Variants in HSPH1 observed in about 807,000 individuals in gnomAD.
The protein encoded by HSPH1 is heat shock protein 105 kDa.
In HSPH1, 40 loss-of-function variants were observed where a neutral mutation model predicts 100.0. The observed-to-expected ratio is 0.40, with a 90% CI of 0.31 to 0.52. HSPH1 has a LOEUF of 0.52. Among genes scored for constraint, HSPH1 ranks in the 20% least tolerant of loss-of-function variants. HSPH1 has a pLI of 0.54. For synonymous variants in HSPH1, 403 were observed against 344.0 expected, an observed-to-expected ratio of 1.17 and a Z score of -1.90; for missense variants, 876 against 1,015.1, an observed-to-expected ratio of 0.86 and a Z score of 1.86.
chr13:31,162,183 A>C (rs1956949585), upstream of HSPH1: 4 of 1,172,714 alleles, frequency 3.4e-6, no homozygotes, highest in Non-Finnish European at 4.9e-6. Flanking sequence ...TGCCCTAATA[A>C]AACAGGCAAC....
In HSPH1 at chr13:31,137,541, CTAGT is replaced by C. The variant is rs544951036; in HGVS notation, c.2371-21_2371-18del. The C allele has an allele frequency of 9.5e-5, 151 of 1,590,218 alleles. No homozygotes were observed. Among genetic ancestry groups the C allele is most frequent in the Admixed American group, 1.7e-4 (10 of 58,118 alleles). On this transcript the variant is annotated intron_variant, in intron 17 of 17. Coordinates refer to ENST00000320027, the MANE Select transcript of HSPH1 (RefSeq NM_006644.4). ...GTTCAATTCCTAAAGAAAACAAAAACTAGTTATCAGATTAACTCAGATCCATCCA... is the reference window on the plus strand; with the variant it reads ...GTTCAATTCCTAAAGAAAACAAAAACTATCAGATTAACTCAGATCCATCCA...
chr13:31,159,226 C>T (rs1299414939), intron 1 of HSPH1, among the ~76,000 whole-genome samples: 1 of 152,240 alleles, frequency 6.6e-6, no homozygotes, highest in African/African-American at 2.4e-5. Flanking sequence ...CTCTACCTTT[C>T]AGTCACCAAC....
chr13:31,153,931 T>C (rs557970252), intron 4 of HSPH1: 1 of 152,040 alleles, frequency 6.6e-6, no homozygotes, highest in Admixed American at 6.6e-5. Flanking sequence ...ACACTTCCCA[T>C]CTTGCAAGGA....
At chr13:31,148,324 A>T (rs1956345100) in intron 9 of HSPH1, 50 bp downstream of exon 9, 1 of 1,212,974 alleles carries the variant, frequency 8.2e-7, no homozygotes, top group Non-Finnish European at 1.2e-6. Context: ...TCATTTGTTA[A>T]TTTTTCTTCT....
At chr13:31,159,588 A>G (rs1956822559) in intron 1 of HSPH1, among the ~76,000 whole-genome samples, 1 of 152,214 alleles carries the variant, frequency 6.6e-6, no homozygotes, top group South Asian at 2.1e-4. Flanking sequence ...GACTAGCTTA[A>G]AAAGTCTTGT....
At chr13:31,153,044 T>C in intron 4 of HSPH1, 93 bp from the exon 5 acceptor site, 2 of 832,746 alleles carry the variant, frequency 2.4e-6, no homozygotes, top group Admixed American at 2.1e-5. Context: ...ACAGTCCAGC[T>C]AAGTAGGTGC....
In HSPH1 at chr13:31,139,052, T is replaced by C. The variant is rs1955989995; in HGVS notation, c.2036A>G (p.Glu679Gly). 1.2e-6 allele frequency: 2 copies of C among 1,613,292 alleles called. No individual in the cohort carries two copies. The highest frequency in any genetic ancestry group is 1.7e-6 in the Non-Finnish European group (2 of 1,179,344). ...TGCTTGTTTAGCTTGGTCCTCTCCT[T>C]CTTCATACAGCCAGTCTTCAGTTTC... ...LTETEDWLYE[E>G]GEDQAKQAYV... Residue 679 changes from glutamate to glycine, a missense_variant, in exon 15 of 18, where the codon GAA (glutamate) becomes GGA (glycine). Physicochemically the swap from Glu to Gly is moderately conservative, Grantham distance 98. Coordinates refer to ENST00000320027, the MANE Select transcript of HSPH1 (RefSeq NM_006644.4).
At chr13:31,152,431 A>AG (rs1445208995) in intron 5 of HSPH1, 4 of 173,322 alleles carry the variant, frequency 2.3e-5, no homozygotes, top group Non-Finnish European at 4.9e-5. Flanking sequence ...CAAATAGTAC[A>AG]GGCTTAAAGC....
At chr13:31,138,321 G>C in intron 17 of HSPH1, 86 bp downstream of exon 17, 1 of 1,254,356 alleles carries the variant, frequency 8.0e-7, no homozygotes, top group South Asian at 1.3e-5. Flanking sequence ...AGATTTACAG[G>C]AAAAATGGCT....
At chr13:31,145,200 C>G (rs1956225798) in intron 11 of HSPH1, among the ~76,000 whole-genome samples, 1 of 152,102 alleles carries the variant, frequency 6.6e-6, no homozygotes, top group Non-Finnish European at 1.5e-5. Context: ...TATTTGGTAG[C>G]TATTTCAAAC....
rs752537482 is a variant in HSPH1, at chr13:31,137,459, C to G, written c.2436G>C (p.Leu812=). The G allele has an allele frequency of 1.9e-6, 3 of 1,613,372 alleles. No homozygotes were observed. Among genetic ancestry groups the G allele is most frequent in the Non-Finnish European group, 2.5e-6 (3 of 1,179,716 alleles). The part of the protein sequence containing the change: ...QPKPKIESPK[L]ERTPNGPNID... ...TATTTGGGCCATTTGGAGTTCTTTCCAGTTTGGGTGATTCAATTTTTGGTT... is the reference window on the plus strand; with the variant it reads ...TATTTGGGCCATTTGGAGTTCTTTCGAGTTTGGGTGATTCAATTTTTGGTT... Residue 812 remains leucine, a synonymous_variant, in exon 18 of 18, where the codon CTG becomes CTC. Coordinates refer to ENST00000320027, the MANE Select transcript of HSPH1 (RefSeq NM_006644.4).
rs1955867320 is a variant in HSPH1 at position 31,135,739 on chromosome 13, G to C, written c.*1579C>G. On this transcript the variant is annotated 3_prime_UTR_variant, in exon 18 of 18. Transcript: ENST00000320027. ...AGAGCTGAGGAAATAAACCTCAGCA[G>C]TCAAGTGTTACTAAACCTCATAGTT... 1 of 152,234 alleles carries C rather than the reference G, an allele frequency of 6.6e-6. No homozygotes were observed. The highest frequency in any genetic ancestry group is 2.4e-5 in the African/African-American group (1 of 41,462). The allele number at this position is 152,234 out of a possible 1,614,324, so 9.4% of individuals were successfully genotyped here. A position where few individuals can be genotyped will look rare whatever the true frequency, so the allele number is the denominator to read the frequency against.
intron 9 of HSPH1, 129 bp downstream of exon 9, chr13:31,148,245 T>C (rs1956341021): frequency 9.5e-7 from 1 of 1,050,244 alleles, no homozygotes; most frequent in Non-Finnish European, 1.4e-6. Flanking sequence ...GTAGATTTGG[T>C]TGTTCAAAGA....
rs1956490304 is a variant in HSPH1 at position 31,151,618 on chromosome 13, T to C, written c.654A>G (p.Gly218=). The change falls in exon 6 of 18, where the codon GGA becomes GGG. Residue 218 remains glycine, a synonymous_variant. Transcript: ENST00000320027. Reference sequence around the variant, plus strand: ...CAATGTATGACTTTACCTTCAATTTTCCCTTGTTAAAAGCACAAGCAGACA... The same window carrying C: ...CAATGTATGACTTTACCTTCAATTTCCCCTTGTTAAAAGCACAAGCAGACA... ...FQVSACAFNK[G]KLKVLGTAFD... The C allele has an allele frequency of 6.2e-7, 1 of 1,609,554 alleles. No individual in the cohort carries two copies. The highest frequency in any genetic ancestry group is 8.5e-7 in the Non-Finnish European group (1 of 1,178,692).
Position 31,145,694 on chromosome 13 carries a change from T to C in HSPH1, c.1453A>G (p.Asn485Asp). ...KSRVKVKVRV[N>D]THGIFTISTA... The stretch of plus-strand genomic sequence containing the variant: ...GAGATGGTGAAAATGCCATGGGTGT[T>C]GACTCGCACTTTGACTTTTACTCTA... The change falls in exon 11 of 18, where the codon AAC becomes GAC. Residue 485 changes from asparagine (N) to aspartate (D), a missense_variant. Physicochemically the swap from Asn to Asp is conservative, Grantham distance 23. Transcript: ENST00000320027. 1.2e-6 allele frequency: 2 copies of C among 1,613,710 alleles called. No individual in the cohort carries two copies. Among genetic ancestry groups the C allele is most frequent in the Non-Finnish European group, 1.7e-6 (2 of 1,179,762 alleles).
chr13:31,145,810 T>C, intron 10 of HSPH1, 42 bp from the exon 11 acceptor site: 1 of 1,584,124 alleles, frequency 6.3e-7, no homozygotes, highest in South Asian at 1.1e-5. Context: ...ACAATTTATT[T>C]AGAATTAAGT....
chr13:31,143,132 T>C (rs1200541580), intron 12 of HSPH1, among the ~76,000 whole-genome samples: 19 of 152,072 alleles, frequency 1.2e-4, no homozygotes, highest in Non-Finnish European at 2.8e-4. Context: ...ATGTAACTTG[T>C]ACAGAAAATA....
intron 3 of HSPH1, 106 bp downstream of exon 3, chr13:31,155,408 A>G: frequency 1.2e-6 from 1 of 846,868 alleles, no homozygotes; most frequent in Non-Finnish European, 1.8e-6. Context: ...AAAAGAACAA[A>G]AAGACCACCT....
intron 6 of HSPH1, 30 bp downstream of exon 6, chr13:31,151,579 T>C (rs1956488762): frequency 1.3e-6 from 2 of 1,593,116 alleles, no homozygotes; most frequent in South Asian, 2.3e-5. Context: ...TAACGTGTTT[T>C]GGACACTGAG....
Sources: allele counts gnomAD v4.1 joint callset (sites outside exome capture counted in the v4.1 genomes callset), GRCh38; gene constraint gnomAD v4.1.1; transcripts MANE v1.5; gene names NCBI Gene and HGNC (gene_info 2026-07-23, HGNC 2026-07-21).